IFT43: variants seen among roughly 807,000 people sequenced by gnomAD.
The protein encoded by IFT43 is intraflagellar transport 43.
In IFT43, 33 loss-of-function variants were observed where a neutral mutation model predicts 32.3. The ratio of observed to expected loss-of-function variants is 1.02; its 90% CI spans 0.77 to 1.37. The LOEUF (loss-of-function observed/expected upper bound fraction) is 1.37, where lower values mean the gene tolerates loss of function less well. IFT43 is among the 40% of genes most tolerant of loss of function. The pLI is 0.00. For synonymous variants in IFT43, 93 were observed against 98.2 expected (o/e 0.95, Z 0.31); for missense variants, 274 against 265.9 (o/e 1.03, Z -0.21).
At chr14:76,019,248 C>T (rs899997108) in intron 2 of IFT43, among the ~76,000 whole-genome samples, 4 of 152,110 alleles carry the variant, frequency 2.6e-5, no homozygotes, top group African/African-American at 9.7e-5. Flanking sequence ...ATATGTAGGA[C>T]TCCCTTAATA....
At chr14:76,015,002 G>A (rs1380140700) in intron 2 of IFT43, among the ~76,000 whole-genome samples, 1 of 152,182 alleles carries the variant, frequency 6.6e-6, no homozygotes, top group Non-Finnish European at 1.5e-5. Context: ...AACTCTGCGT[G>A]TTCTTGGCCT....
chr14:76,054,542 A>T (rs914167423), intron 3 of IFT43, among the ~76,000 whole-genome samples: 1 of 152,238 alleles, frequency 6.6e-6, no homozygotes, highest in African/African-American at 2.4e-5. Flanking sequence ...CTCTGTGTAT[A>T]AAATTGTGCT....
At chr14:75,999,149 C>G (rs571782623) in intron 2 of IFT43, among the ~76,000 whole-genome samples, 8 of 115,390 alleles carry the variant, frequency 6.9e-5, no homozygotes, top group Non-Finnish European at 1.3e-4. Context: ...ACAAAGAACT[C>G]CAACCCCCAT....
At chr14:76,005,376 C>T (rs188991621) in intron 2 of IFT43, among the ~76,000 whole-genome samples, 14 of 152,306 alleles carry the variant, frequency 9.2e-5, no homozygotes, top group South Asian at 8.3e-4. Flanking sequence ...GATGGCTCTT[C>T]GGGGATTTCG....
intron 3 of IFT43, among the ~76,000 whole-genome samples, chr14:76,045,144 A>G (rs1380333561): frequency 1.3e-5 from 2 of 152,192 alleles, no homozygotes; most frequent in Non-Finnish European, 2.9e-5. Context: ...AATCACAATA[A>G]CACACTCTTC....
Position 76,058,483 on chromosome 14 carries a change from A to C in IFT43, c.216-159A>C, listed in dbSNP as rs545888528. ...GCACTACAGCATCTTCAGTTCTCTCATGCTGGTTGTGGGGCTTGTCTCTAA... is the reference window on the plus strand; with the variant it reads ...GCACTACAGCATCTTCAGTTCTCTCCTGCTGGTTGTGGGGCTTGTCTCTAA... On this transcript the variant is annotated intron_variant, in intron 3 of 8. Transcript: ENST00000314067. The C allele has an allele frequency of 2.0e-4, 146 of 729,276 alleles. 1 individual carries two copies. Among genetic ancestry groups the C allele is most frequent in the Non-Finnish European group, 2.9e-4 (130 of 445,638 alleles). The allele number at this position is 729,276 out of a possible 1,614,324, so 45.2% of individuals were successfully genotyped here. A position where few individuals can be genotyped will look rare whatever the true frequency, so the allele number is the denominator to read the frequency against.
chr14:76,015,005 C>T (rs899617720), intron 2 of IFT43, among the ~76,000 whole-genome samples: 1 of 152,204 alleles, frequency 6.6e-6, no homozygotes, highest in South Asian at 2.1e-4. Context: ...TCTGCGTGTT[C>T]TTGGCCTCAT....
chr14:76,082,524 G>A, intron 6 of IFT43, 93 bp from the exon 7 acceptor site: 1 of 1,455,890 alleles, frequency 6.9e-7, no homozygotes, highest in East Asian at 2.3e-5. Flanking sequence ...GTCATCCCCT[G>A]CTGTATACAA....
chr14:76,071,861 A>G (rs1301297560), intron 5 of IFT43, among the ~76,000 whole-genome samples: 2 of 152,020 alleles, frequency 1.3e-5, no homozygotes, highest in Non-Finnish European at 2.9e-5. Flanking sequence ...AGCACACCAC[A>G]GCTGGGAAAT....
intron 2 of IFT43, among the ~76,000 whole-genome samples, chr14:76,004,835 G>A (rs1433142503): frequency 3.3e-5 from 5 of 151,970 alleles, no homozygotes; most frequent in Non-Finnish European, 5.9e-5. Context: ...CTGCTGTTAA[G>A]CCCAACTGAT....
At chr14:75,989,705 T>C (rs974922533) in intron 2 of IFT43, among the ~76,000 whole-genome samples, 1 of 152,172 alleles carries the variant, frequency 6.6e-6, no homozygotes, top group African/African-American at 2.4e-5. Context: ...ATGTGAATTG[T>C]CTTTTTACAT....
At chr14:75,999,259 A>G (rs1170788118) in intron 2 of IFT43, among the ~76,000 whole-genome samples, 2 of 21,572 alleles carry the variant, frequency 9.3e-5, no homozygotes, top group African/African-American at 5.8e-4. Flanking sequence ...ATATATATAT[A>G]TATATATATA....
intron 3 of IFT43, among the ~76,000 whole-genome samples, chr14:76,036,312 T>TTTCCTTCC (rs140823134): frequency 1.1e-4 from 16 of 151,850 alleles, no homozygotes; most frequent in South Asian, 6.2e-4. Flanking sequence ...TATTTAGCCA[T>TTTCCTTCC]TTCCTTCCTT....
intron 2 of IFT43, among the ~76,000 whole-genome samples, chr14:76,019,238 A>G (rs1465668449): frequency 6.6e-6 from 1 of 152,102 alleles, no homozygotes; most frequent in African/African-American, 2.4e-5. Flanking sequence ...TTTCACTTCC[A>G]TATGTAGGAC....
chr14:76,013,225 T>C (rs547770500), intron 2 of IFT43, among the ~76,000 whole-genome samples: 1 of 152,336 alleles, frequency 6.6e-6, no homozygotes, highest in African/African-American at 2.4e-5. Flanking sequence ...CTCATAACAT[T>C]TGAAGAACAA....
In IFT43 at chr14:76,058,620, GTCTTT is replaced by G. The variant is rs773436140; in HGVS notation, c.216-15_216-11del. 8.8e-6 allele frequency: 14 copies of G among 1,595,564 alleles called. No homozygotes were observed. The East Asian group carries it at 9.0e-5, about 10-fold the overall frequency. ...AGACTAGTGGGCTCTCAAAAACCTT[GTCTTT>G]TCTTTTTTTTTTTCAGGTTTAGGAG... is the stretch of plus-strand genomic sequence containing the variant. On this transcript the variant is annotated splice_polypyrimidine_tract_variant and intron_variant, in intron 3 of 8. Transcript: ENST00000314067.
Position 76,082,591 on chromosome 14 carries a change from C to T in IFT43, c.369-26C>T, listed in dbSNP as rs373195169. ...TGGAACAGGTCCTGCCTGGGGTTCC[C>T]GCCTCTCGCTCTCTCTTTCCTTCAG... On this transcript the variant is annotated intron_variant, in intron 6 of 8. Transcript: ENST00000314067. 110 of 1,614,086 alleles carry T rather than the reference C, an allele frequency of 6.8e-5. 3 individuals carry two copies. In the South Asian group the frequency reaches 1.1e-3, roughly 16 times the overall value.
chr14:76,083,423 T>G, intron 8 of IFT43, 35 bp from the exon 9 acceptor site: 1 of 1,614,068 alleles, frequency 6.2e-7, no homozygotes. Flanking sequence ...GAAAAGGCCT[T>G]TCTTTGTCTT....
intron 3 of IFT43, among the ~76,000 whole-genome samples, chr14:76,037,365 G>A (rs560665170): frequency 8.5e-5 from 13 of 152,170 alleles, no homozygotes; most frequent in Admixed American, 3.9e-4. Context: ...ACTTTATAGC[G>A]CCCATCAGAC....
Sources: gnomAD v4.1 joint callset for allele counts (sites outside exome capture counted in the v4.1 genomes callset) on GRCh38, gnomAD v4.1.1 for gene constraint, MANE v1.5 for transcripts, NCBI Gene and HGNC (gene_info 2026-07-23, HGNC 2026-07-21) for gene names.